Variants in PCDHAC1 observed in about 807,000 individuals in gnomAD.
The protein encoded by PCDHAC1 is protocadherin alpha-C1.
A neutral mutation model predicts 60.0 loss-of-function variants in PCDHAC1; 42 were observed. The ratio of observed to expected loss-of-function variants is 0.70; its 90% CI spans 0.55 to 0.90. The LOEUF (loss-of-function observed/expected upper bound fraction) is 0.90. Among genes scored for constraint, PCDHAC1 ranks in the 40% least tolerant of loss-of-function variants. PCDHAC1 has a pLI of 0.00. For missense variants in PCDHAC1, 1,160 were observed against 1,222.3 expected, an observed-to-expected ratio of 0.95 and a Z score of 0.76; for synonymous variants, 468 against 499.3, an observed-to-expected ratio of 0.94 and a Z score of 0.84.
intron 1 of PCDHAC1, among the ~76,000 whole-genome samples, chr5:140,945,889 A>G (rs2093857848): frequency 6.6e-6 from 1 of 152,074 alleles, no homozygotes; most frequent in African/African-American, 2.4e-5. Flanking sequence ...CAAAGAAAAC[A>G]CAGTGGGAAA....
At chr5:140,932,707 A>G (rs147056775) in intron 1 of PCDHAC1, among the ~76,000 whole-genome samples, 1 of 152,086 alleles carries the variant, frequency 6.6e-6, no homozygotes, top group African/African-American at 2.4e-5. Flanking sequence ...CATATAGACA[A>G]CACAATAATA....
intron 1 of PCDHAC1, among the ~76,000 whole-genome samples, chr5:140,934,025 A>C (rs190533956): frequency 1.2e-3 from 183 of 152,100 alleles, no homozygotes; most frequent in Non-Finnish European, 2.2e-3. Flanking sequence ...ACTTGGAAGT[A>C]GTTTATTAAT....
Position 140,968,348 on chromosome 5 carries a change from A to G in PCDHAC1, c.2434-10601A>G, listed in dbSNP as rs782567344. The stretch of plus-strand genomic sequence containing the variant: ...CTCCTATGTCTCCATTAACAGTGCC[A>G]GTGGCAGCCTTTATGCTGTCAACTC... On this transcript the variant is annotated intron_variant, in intron 1 of 3. Coordinates refer to ENST00000253807, the MANE Select transcript of PCDHAC1 (RefSeq NM_018898.5). 1 of 1,614,124 alleles carries G rather than the reference A, an allele frequency of 6.2e-7. No individual in the cohort carries two copies. The highest frequency in any genetic ancestry group is 2.2e-5 in the East Asian group (1 of 44,886).
chr5:141,002,941 C>G (rs964416301), intron 3 of PCDHAC1, among the ~76,000 whole-genome samples: 18 of 152,216 alleles, frequency 1.2e-4, no homozygotes, highest in African/African-American at 4.1e-4. Flanking sequence ...CACCCTCCAG[C>G]ACATGCCCCT....
intron 3 of PCDHAC1, among the ~76,000 whole-genome samples, chr5:141,000,343 C>G (rs1410684542): frequency 1.7e-5 from 2 of 116,202 alleles, no homozygotes; most frequent in Admixed American, 9.0e-5. Context: ...GGCCCTATCT[C>G]TCTCTCTGTC....
At chr5:140,960,346 T>A (rs782732587) in intron 1 of PCDHAC1, among the ~76,000 whole-genome samples, 21 of 152,174 alleles carry the variant, frequency 1.4e-4, no homozygotes, top group Admixed American at 2.6e-4. Context: ...AGGTGAGATA[T>A]GTACTGAAAT....
chr5:140,969,921 G>A (rs1417032241), intron 1 of PCDHAC1, among the ~76,000 whole-genome samples: 2 of 152,198 alleles, frequency 1.3e-5, no homozygotes, highest in African/African-American at 2.4e-5. Flanking sequence ...TAAAGCTGTA[G>A]TATTTAGACA....
intron 1 of PCDHAC1, among the ~76,000 whole-genome samples, chr5:140,934,420 C>T (rs559621314): frequency 1.1e-4 from 16 of 152,184 alleles, no homozygotes; most frequent in Non-Finnish European, 1.8e-4. Flanking sequence ...TTTGCATTAT[C>T]AATGCAAGTG....
chr5:141,002,195 A>G (rs2098065094), intron 3 of PCDHAC1, among the ~76,000 whole-genome samples: 1 of 152,244 alleles, frequency 6.6e-6, no homozygotes, highest in South Asian at 2.1e-4. Flanking sequence ...CTGGCAAGAT[A>G]GTCCCCGGCT....
At chr5:140,962,406 T>C (rs1272839882) in intron 1 of PCDHAC1, among the ~76,000 whole-genome samples, 1 of 152,218 alleles carries the variant, frequency 6.6e-6, no homozygotes, top group African/African-American at 2.4e-5. Context: ...GCCCCAAACC[T>C]GTCTCTCCCT....
rs782597550 is a variant in PCDHAC1 at position 140,934,018 on chromosome 5, TG to T, written c.2433+4695del. ...ACCTCTCATTTTTCTTGACTAGACTTGGAAGTAGTTTATTAATGATATTAGT... is the reference window on the plus strand; with the variant it reads ...ACCTCTCATTTTTCTTGACTAGACTTGAAGTAGTTTATTAATGATATTAGT... On this transcript the variant is annotated intron_variant, in intron 1 of 3. Coordinates refer to ENST00000253807, the MANE Select transcript of PCDHAC1 (RefSeq NM_018898.5). Among the ~76,000 whole-genome samples the T allele has an allele frequency of 2.6e-4, 40 of 152,182 alleles. 1 individual carries two copies. The highest frequency in any genetic ancestry group is 3.4e-3 in the Middle Eastern group (1 of 294).
chr5:140,993,087 G>T (rs1476981409), intron 3 of PCDHAC1, among the ~76,000 whole-genome samples: 2 of 152,188 alleles, frequency 1.3e-5, no homozygotes, highest in African/African-American at 4.8e-5. Flanking sequence ...AATCAGCAGG[G>T]CTATGTTTAT....
intron 3 of PCDHAC1, among the ~76,000 whole-genome samples, chr5:140,987,901 T>C (rs1554249667): frequency 6.6e-6 from 1 of 152,180 alleles, no homozygotes. Context: ...TAGTTTTATA[T>C]GGGGATTTAT....
intron 3 of PCDHAC1, among the ~76,000 whole-genome samples, chr5:140,988,678 T>G (rs190740461): frequency 6.6e-6 from 1 of 152,314 alleles, no homozygotes. Context: ...CTAAGATAAT[T>G]CTTTCCCTAG....
chr5:140,967,566 G>A, intron 1 of PCDHAC1: 2 of 1,614,060 alleles, frequency 1.2e-6, no homozygotes, highest in South Asian at 2.2e-5. Context: ...GTCCAGCTAC[G>A]GGAGGACTCA....
chr5:141,005,701 C>CAAAAAAAA (rs59860837), intron 3 of PCDHAC1, among the ~76,000 whole-genome samples: 3 of 7,792 alleles, frequency 3.9e-4, no homozygotes, highest in East Asian at 6.4e-3. Flanking sequence ...AACTCCGTCT[C>CAAAAAAAA]AAAAAAAAAA....
chr5:140,978,906 T>C, intron 1 of PCDHAC1, 43 bp from the exon 2 acceptor site: 1 of 1,613,530 alleles, frequency 6.2e-7, no homozygotes, highest in Non-Finnish European at 8.5e-7. Flanking sequence ...GGGAGAACAT[T>C]GTCTTGTCAT....
At chr5:140,941,409 C>G (rs1284702446) in intron 1 of PCDHAC1, among the ~76,000 whole-genome samples, 1 of 149,924 alleles carries the variant, frequency 6.7e-6, no homozygotes, top group Non-Finnish European at 1.5e-5. Flanking sequence ...CTCCGCCTCC[C>G]GGGTTCAAGC....
chr5:140,967,332 C>G, intron 1 of PCDHAC1: 2 of 1,608,024 alleles, frequency 1.2e-6, no homozygotes, highest in Non-Finnish European at 1.7e-6. Context: ...GAGCTCAGCC[C>G]CAGCGAGCAC....
Sources: gnomAD v4.1 joint callset for allele counts (sites outside exome capture counted in the v4.1 genomes callset) on GRCh38, gnomAD v4.1.1 for gene constraint, MANE v1.5 for transcripts, NCBI Gene and HGNC (gene_info 2026-07-23, HGNC 2026-07-21) for gene names.